CDH13: variants seen among roughly 807,000 people sequenced by gnomAD.
The protein encoded by CDH13 is cadherin-13.
Under a neutral mutation model 63.8 loss-of-function variants are expected in CDH13, and 24 were observed. That is an observed-to-expected ratio of 0.38 (90% CI 0.27 to 0.53). The LOEUF is 0.53. CDH13 is among the 20% of genes least tolerant of loss of function. The probability of loss-of-function intolerance (pLI) is 0.85; values close to 1 mark genes in which losing one functional copy is unlikely to be tolerated. For synonymous variants in CDH13, 503 were observed against 355.3 expected (o/e 1.42, Z -4.67); for missense variants, 1,049 against 903.1 (o/e 1.16, Z -2.07).
At chr16:83,412,444 T>A (rs2325871) in intron 6 of CDH13, among the ~76,000 whole-genome samples, 151,673 of 152,336 alleles carry the variant, frequency 1, 75,514 homozygotes, top group Non-Finnish European at 1. Context: ...CCTGGGTGAC[T>A]GAGTTAGACT....
At chr16:82,891,465 T>G (rs759947724) in intron 2 of CDH13, among the ~76,000 whole-genome samples, 21 of 152,190 alleles carry the variant, frequency 1.4e-4, no homozygotes, top group Non-Finnish European at 2.4e-4. Context: ...ACTCAACACA[T>G]TGTTGAAAAT....
intron 2 of CDH13, among the ~76,000 whole-genome samples, chr16:83,000,122 T>C (rs1033733549): frequency 2.0e-5 from 3 of 151,750 alleles, no homozygotes; most frequent in Non-Finnish European, 2.9e-5. Context: ...GCGGAGCGTT[T>C]GGTACCTGGT....
At chr16:83,713,571 C>A (rs908874118) in intron 10 of CDH13, among the ~76,000 whole-genome samples, 1 of 151,932 alleles carries the variant, frequency 6.6e-6, no homozygotes, top group South Asian at 2.1e-4. Flanking sequence ...TTTAACTTTA[C>A]CTCTCACAAA....
intron 6 of CDH13, among the ~76,000 whole-genome samples, chr16:83,407,102 G>A (rs945794581): frequency 1.4e-4 from 22 of 152,140 alleles, no homozygotes; most frequent in South Asian, 8.3e-4. Context: ...AATTTTGAGC[G>A]CCTACTGTGT....
intron 5 of CDH13, among the ~76,000 whole-genome samples, chr16:83,301,394 G>C (rs1049259640): frequency 1.3e-5 from 2 of 152,040 alleles, no homozygotes; most frequent in Non-Finnish European, 2.9e-5. Flanking sequence ...CCCTCTCTGT[G>C]ATTTTCCATT....
intron 7 of CDH13, among the ~76,000 whole-genome samples, chr16:83,512,321 A>T (rs1317234519): frequency 1.6e-5 from 2 of 126,854 alleles, no homozygotes; most frequent in African/African-American, 6.1e-5. Context: ...ACTCCGTCTC[A>T]AAATAAATAA....
chr16:83,212,970 G>A (rs1420519521), intron 4 of CDH13, among the ~76,000 whole-genome samples: 1 of 152,156 alleles, frequency 6.6e-6, no homozygotes, highest in African/African-American at 2.4e-5. Flanking sequence ...TGGTCCCATA[G>A]GGCCTCTCAC....
At chr16:82,822,750 C>G (rs573735594) in intron 1 of CDH13, among the ~76,000 whole-genome samples, 3 of 152,212 alleles carry the variant, frequency 2.0e-5, no homozygotes, top group East Asian at 1.9e-4. Context: ...CCACCTTGGC[C>G]TCCCAAAGTG....
In CDH13 at chr16:83,373,033, A is replaced by G. The variant is rs181679769; in HGVS notation, c.781+28027A>G. ...TTTTACCTAAATAGTTTATCGTCAT[A>G]TCAATAAAATTGATCATCTCTATCA... On this transcript the variant is annotated intron_variant, in intron 6 of 13. Coordinates refer to ENST00000567109, the MANE Select transcript of CDH13 (RefSeq NM_001257.5). Among the ~76,000 whole-genome samples, 67 of 152,368 alleles carry G rather than the reference A, an allele frequency of 4.4e-4. 1 individual carries two copies. Among genetic ancestry groups the G allele is most frequent in the African/African-American group, 1.6e-3 (65 of 41,580 alleles).
chr16:83,546,497 G>T (rs540875650), intron 7 of CDH13, among the ~76,000 whole-genome samples: 2 of 148,498 alleles, frequency 1.3e-5, no homozygotes, highest in African/African-American at 2.5e-5. Context: ...GGTTCAAGAC[G>T]TTCTGGAAAC....
intron 5 of CDH13, among the ~76,000 whole-genome samples, chr16:83,270,788 G>C (rs371672321): frequency 1.3e-5 from 2 of 150,642 alleles, no homozygotes; most frequent in South Asian, 2.1e-4. Context: ...TTACAGATTT[G>C]CTTTTTTTGT....
At chr16:83,543,975 A>G (rs111655444) in intron 7 of CDH13, among the ~76,000 whole-genome samples, 4,808 of 152,268 alleles carry the variant, frequency 0.032, 173 homozygotes, top group African/African-American at 0.081. Flanking sequence ...GGGAGAACAC[A>G]GCTTTGTTGT....
chr16:83,401,883 T>A (rs2151443395), intron 6 of CDH13, among the ~76,000 whole-genome samples: 1 of 152,330 alleles, frequency 6.6e-6, no homozygotes, highest in African/African-American at 2.4e-5. Flanking sequence ...TTTTGTATGA[T>A]TTTAATCTGC....
intron 6 of CDH13, among the ~76,000 whole-genome samples, chr16:83,386,914 C>A (rs1199890088): frequency 6.6e-6 from 1 of 152,180 alleles, no homozygotes; most frequent in Non-Finnish European, 1.5e-5. Context: ...TCCACCCCAC[C>A]TTTTCCATTG....
intron 13 of CDH13, among the ~76,000 whole-genome samples, chr16:83,790,874 A>G (rs890813007): frequency 1.3e-5 from 2 of 152,236 alleles, no homozygotes; most frequent in African/African-American, 4.8e-5. Context: ...TCGGGAAACC[A>G]TTTCTGACCA....
intron 1 of CDH13, among the ~76,000 whole-genome samples, chr16:82,847,640 T>G (rs144162612): frequency 5.3e-4 from 81 of 152,370 alleles, no homozygotes; most frequent in Middle Eastern, 3.4e-3. Context: ...CCCTTTGCCA[T>G]GTAATCTAAC....
chr16:83,118,729 A>G (rs997912150), intron 3 of CDH13, among the ~76,000 whole-genome samples: 12 of 151,796 alleles, frequency 7.9e-5, no homozygotes, highest in African/African-American at 2.2e-4. Context: ...GGACGGGCAC[A>G]TTATCCTCCT....
intron 8 of CDH13, among the ~76,000 whole-genome samples, chr16:83,666,555 C>G (rs992849683): frequency 6.6e-5 from 10 of 152,342 alleles, no homozygotes; most frequent in Admixed American, 3.9e-4. Context: ...CCACAGGGCC[C>G]TGCATAAGGT....
intron 5 of CDH13, among the ~76,000 whole-genome samples, chr16:83,273,933 T>C (rs1353386301): frequency 6.6e-6 from 1 of 152,188 alleles, no homozygotes; most frequent in Non-Finnish European, 1.5e-5. Context: ...GAGCTCTTAA[T>C]GATTCACCCA....
Sources: allele counts gnomAD v4.1 joint callset (sites outside exome capture counted in the v4.1 genomes callset), GRCh38; gene constraint gnomAD v4.1.1; transcripts MANE v1.5; gene names NCBI Gene and HGNC (gene_info 2026-07-23, HGNC 2026-07-21).